BICC1: variants seen among roughly 807,000 people sequenced by gnomAD.
The protein encoded by BICC1 is BicC family RNA binding protein 1.
In BICC1, 43 loss-of-function variants were observed where a neutral mutation model predicts 111.0. The ratio of observed to expected loss-of-function variants is 0.39; its 90% CI spans 0.30 to 0.50. BICC1 has a LOEUF of 0.50. Ranked by LOEUF, BICC1 falls within the 20% of genes least tolerant of loss-of-function variation. The probability of loss-of-function intolerance (pLI) is 0.88; values close to 1 mark genes in which losing one functional copy is unlikely to be tolerated. For synonymous variants in BICC1, 467 were observed against 434.4 expected, an observed-to-expected ratio of 1.07 and a Z score of -0.93; for missense variants, 1,091 against 1,203.2, an observed-to-expected ratio of 0.91 and a Z score of 1.38.
chr10:58,549,866 T>G (rs1843248671), intron 1 of BICC1, among the ~76,000 whole-genome samples: 1 of 151,968 alleles, frequency 6.6e-6, no homozygotes, highest in Non-Finnish European at 1.5e-5. Flanking sequence ...TTTTGTATTT[T>G]TAGTAGAGAC....
At chr10:58,611,953 G>C (rs1446150605) in intron 1 of BICC1, among the ~76,000 whole-genome samples, 1 of 152,120 alleles carries the variant, frequency 6.6e-6, no homozygotes, top group African/African-American at 2.4e-5. Context: ...ATTTATTTTT[G>C]TCTATTCTTA....
intron 1 of BICC1, among the ~76,000 whole-genome samples, chr10:58,543,513 C>A (rs1040955646): frequency 6.6e-6 from 1 of 151,952 alleles, no homozygotes; most frequent in East Asian, 1.9e-4. Flanking sequence ...GTTACTCCTC[C>A]CATCCCACTT....
intron 1 of BICC1, among the ~76,000 whole-genome samples, chr10:58,515,050 CTGAGCTTTAGAAG>C (rs1842205702): frequency 6.6e-6 from 1 of 152,164 alleles, no homozygotes; most frequent in African/African-American, 2.4e-5. Flanking sequence ...AGTGTATAAC[CTGAGCTTTAGAAG>C]TGAATTTCCT....
At chr10:58,650,774 T>TATA (rs2132249415) in intron 2 of BICC1, 1 of 152,282 alleles carries the variant, frequency 6.6e-6, no homozygotes, top group South Asian at 2.1e-4. Context: ...CTCCTTGGCT[T>TATA]ATAATTTCTT....
intron 6 of BICC1, 72 bp downstream of exon 6, chr10:58,788,495 A>G (rs1843077998): frequency 9.5e-7 from 1 of 1,052,404 alleles, no homozygotes; most frequent in East Asian, 2.6e-5. Flanking sequence ...TAAAAATATA[A>G]TAATTTATCA....
intron 2 of BICC1, among the ~76,000 whole-genome samples, chr10:58,681,451 A>G (rs566028529): frequency 1.2e-4 from 18 of 152,278 alleles, no homozygotes; most frequent in African/African-American, 3.4e-4. Flanking sequence ...AAAAACCACA[A>G]TGAGATACCA....
intron 1 of BICC1, among the ~76,000 whole-genome samples, chr10:58,513,993 C>G (rs1241159965): frequency 5.3e-5 from 8 of 152,198 alleles, no homozygotes. Context: ...TACATTCAGT[C>G]CATAAAAATC....
chr10:58,540,313 A>G (rs1842927521), intron 1 of BICC1, among the ~76,000 whole-genome samples: 1 of 151,866 alleles, frequency 6.6e-6, no homozygotes, highest in Non-Finnish European at 1.5e-5. Context: ...GTAAAAAAAA[A>G]AGGCTATGAA....
chr10:58,788,447 T>A, intron 6 of BICC1, 24 bp downstream of exon 6: 5 of 1,498,770 alleles, frequency 3.3e-6, no homozygotes, highest in Non-Finnish European at 4.6e-6. Context: ...ACTTTAACAT[T>A]GTAAATTGAT....
chr10:58,805,313 AC>A lies in BICC1; in HGVS notation c.2182-1270del, dbSNP rs1004084644. Among the ~76,000 whole-genome samples, 24 of 151,406 alleles carry A rather than the reference AC, an allele frequency of 1.6e-4. 1 individual carries two copies. Among genetic ancestry groups the A allele is most frequent in the Admixed American group, 7.2e-4 (11 of 15,248 alleles). On this transcript the variant is annotated intron_variant, in intron 15 of 20. Coordinates refer to ENST00000373886, the MANE Select transcript of BICC1 (RefSeq NM_001080512.3). Reference sequence around the variant, plus strand: ...GTCTAAAAAACAAACAAACAAACAAACAAAAAAACTGCAAGTCATCGAGGCT... The same window carrying A: ...GTCTAAAAAACAAACAAACAAACAAAAAAAAAACTGCAAGTCATCGAGGCT...
At chr10:58,525,275 G>T (rs1438108173) in intron 1 of BICC1, among the ~76,000 whole-genome samples, 3 of 121,598 alleles carry the variant, frequency 2.5e-5, no homozygotes, top group African/African-American at 8.0e-5. Flanking sequence ...TATGTTTATT[G>T]TGGCACTATT....
At chr10:58,822,048 G>A (rs2132978190) in intron 20 of BICC1, among the ~76,000 whole-genome samples, 1 of 152,046 alleles carries the variant, frequency 6.6e-6, no homozygotes, top group South Asian at 2.1e-4. Context: ...CATCCTCAGG[G>A]GGCTATCCCT....
At chr10:58,583,584 C>CTGTGTG (rs3076149) in intron 1 of BICC1, among the ~76,000 whole-genome samples, 17 of 139,438 alleles carry the variant, frequency 1.2e-4, no homozygotes, top group South Asian at 1.0e-3. Context: ...TTCTCTCTCT[C>CTGTGTG]TGTGTGTGTG....
rs1319280045 is a variant in BICC1 at position 58,830,651 on chromosome 10, A to G, written c.*1760A>G. ...GGTATTGGTTACCTTGAAGGCATAGATAATGGGCCTGTCATAAAATTATCA... is the reference window on the plus strand; with the variant it reads ...GGTATTGGTTACCTTGAAGGCATAGGTAATGGGCCTGTCATAAAATTATCA... On this transcript the variant is annotated 3_prime_UTR_variant, in exon 21 of 21. Coordinates refer to ENST00000373886, the MANE Select transcript of BICC1 (RefSeq NM_001080512.3). 6.6e-6 allele frequency: 1 copy of G among 152,200 alleles called. No homozygotes were observed. Among genetic ancestry groups the G allele is most frequent in the Non-Finnish European group, 1.5e-5 (1 of 68,032 alleles). 9.4% of individuals were successfully genotyped at this position (152,200 alleles called of 1,614,324 possible).
At position 58,593,205 on chromosome 10, in the gene BICC1, G is replaced by A. The variant is rs573852543; in HGVS notation, c.191-27650G>A. The stretch of plus-strand genomic sequence containing the variant: ...CACACTGCCAGATTTCCTTTCTCTG[G>A]GCAGGGCATCTCTGAAAAAAAGGAA... On this transcript the variant is annotated intron_variant, in intron 1 of 20. Transcript: ENST00000373886. Among the ~76,000 whole-genome samples the A allele has an allele frequency of 1.8e-3, 279 of 152,216 alleles. 1 individual carries two copies. Among genetic ancestry groups the A allele is most frequent in the African/African-American group, 6.5e-3 (269 of 41,562 alleles).
chr10:58,772,165 T>C (rs1210844809), intron 3 of BICC1, among the ~76,000 whole-genome samples: 2 of 152,182 alleles, frequency 1.3e-5, no homozygotes, highest in East Asian at 1.9e-4. Context: ...CTGAAGTTCT[T>C]TGATATAATT....
At chr10:58,788,308 C>A in intron 5 of BICC1, 62 bp from the exon 6 acceptor site, 1 of 1,259,338 alleles carries the variant, frequency 7.9e-7, no homozygotes, top group Non-Finnish European at 1.2e-6. Context: ...TATAGATGAA[C>A]TGGAAAAGAG....
At chr10:58,543,152 T>A (rs1843040792) in intron 1 of BICC1, among the ~76,000 whole-genome samples, 1 of 151,896 alleles carries the variant, frequency 6.6e-6, no homozygotes, top group South Asian at 2.1e-4. Context: ...TAAAAAAATG[T>A]GATATAGACA....
chr10:58,746,894 G>A (rs924067056), intron 3 of BICC1, among the ~76,000 whole-genome samples: 4 of 152,130 alleles, frequency 2.6e-5, no homozygotes, highest in African/African-American at 4.8e-5. Flanking sequence ...TTAGAAAAGC[G>A]AATGCCAATA....
Sources: allele counts gnomAD v4.1 joint callset (sites outside exome capture counted in the v4.1 genomes callset), GRCh38; gene constraint gnomAD v4.1.1; transcripts MANE v1.5; gene names NCBI Gene and HGNC (gene_info 2026-07-23, HGNC 2026-07-21).